The following PLA2G4E variants were observed in gnomAD, a reference collection of about 807,000 sequenced individuals.
PLA2G4E encodes cytosolic phospholipase A2 epsilon.
A neutral mutation model predicts 109.1 loss-of-function variants in PLA2G4E; 84 were observed. The observed-to-expected ratio is 0.77, with a 90% confidence interval of 0.65 to 0.92. PLA2G4E has a LOEUF of 0.92. Among genes scored for constraint, PLA2G4E ranks in the 40% least tolerant of loss-of-function variants. PLA2G4E has a pLI of 0.00. For missense variants in PLA2G4E, 1,057 were observed against 1,076.6 expected, an observed-to-expected ratio of 0.98 and a Z score of 0.25; for synonymous variants, 469 against 436.1, an observed-to-expected ratio of 1.08 and a Z score of -0.94.
intron 1 of PLA2G4E, among the ~76,000 whole-genome samples, chr15:42,031,352 T>A (rs1483808046): frequency 6.6e-6 from 1 of 152,210 alleles, no homozygotes; most frequent in Admixed American, 6.5e-5. Context: ...TAAATATACA[T>A]TTTCATTTCT....
intron 2 of PLA2G4E, chr15:42,010,142 C>CCGCCG: frequency 6.6e-6 from 3 of 454,242 alleles, no homozygotes; most frequent in Non-Finnish European, 4.4e-6. Flanking sequence ...GCCCCCCCAC[C>CCGCCG]CCGGGCCTGG....
At position 42,001,003 on chromosome 15, in the gene PLA2G4E, C is replaced by T. The variant is rs373744866; in HGVS notation, c.673+154G>A. 7.2e-5 allele frequency among the ~76,000 whole-genome samples: 11 copies of T among 152,140 alleles called. No individual in the cohort carries two copies. The East Asian group carries it at 9.6e-4, about 13-fold the overall frequency. The stretch of plus-strand genomic sequence containing the variant: ...AGGATGGGAGGCCAGGGGCTCAGGA[C>T]CCCTGGGGGTGAGATGATTCTGAGG... On this transcript the variant is annotated intron_variant, in intron 7 of 19. Transcript: ENST00000399518.
chr15:42,022,357 C>T (rs917034283), intron 1 of PLA2G4E, among the ~76,000 whole-genome samples: 2 of 152,068 alleles, frequency 1.3e-5, no homozygotes, highest in Admixed American at 6.5e-5. Context: ...TTAATTTTTC[C>T]GCGGGTGGGC....
At chr15:42,040,209 C>T (rs1889292721) in intron 1 of PLA2G4E, among the ~76,000 whole-genome samples, 1 of 151,284 alleles carries the variant, frequency 6.6e-6, no homozygotes, top group Non-Finnish European at 1.5e-5. Context: ...CACACGCACA[C>T]ACACACACCT....
chr15:41,985,890 T>A, exon 18 of PLA2G4E: 1 of 1,611,016 alleles, frequency 6.2e-7, no homozygotes, highest in South Asian at 1.1e-5. Flanking sequence ...GGTCGGCTTT[T>A]CGCTCTGGCC....
intron 6 of PLA2G4E, among the ~76,000 whole-genome samples, chr15:42,001,812 C>T (rs989092846): frequency 2.6e-5 from 4 of 152,208 alleles, no homozygotes; most frequent in African/African-American, 9.6e-5. Flanking sequence ...CCACCTCAGC[C>T]TCCTGAGTAG....
chr15:42,006,966 C>T (rs1277770999), intron 3 of PLA2G4E, among the ~76,000 whole-genome samples: 1 of 152,214 alleles, frequency 6.6e-6, no homozygotes, highest in East Asian at 1.9e-4. Flanking sequence ...CAAAATTCTC[C>T]TCCCTTACCA....
chr15:42,031,963 G>T (rs1407020888), intron 1 of PLA2G4E, among the ~76,000 whole-genome samples: 1 of 152,186 alleles, frequency 6.6e-6, no homozygotes, highest in East Asian at 1.9e-4. Context: ...TCATGGGGAT[G>T]GATTTCTCAT....
At chr15:42,028,403 A>ATTTCTTTC (rs67875687) in intron 1 of PLA2G4E, among the ~76,000 whole-genome samples, 13 of 144,916 alleles carry the variant, frequency 9.0e-5, no homozygotes, top group Non-Finnish European at 1.5e-4. Flanking sequence ...TTATTTATTT[A>ATTTCTTTC]TTTATTTATT....
At chr15:42,048,354 C>T (rs1241102164) in intron 1 of PLA2G4E, among the ~76,000 whole-genome samples, 2 of 152,220 alleles carry the variant, frequency 1.3e-5, no homozygotes, top group Non-Finnish European at 2.9e-5. Flanking sequence ...TTAAGCAACA[C>T]ATGACTGTAG....
exon 13 of PLA2G4E, chr15:41,992,740 G>C: frequency 6.2e-7 from 1 of 1,610,822 alleles, no homozygotes; most frequent in South Asian, 1.1e-5. Context: ...CACCTACCTC[G>C]TCCCCCAGGC....
At chr15:42,031,407 T>G (rs1889112803) in intron 1 of PLA2G4E, among the ~76,000 whole-genome samples, 1 of 152,186 alleles carries the variant, frequency 6.6e-6, no homozygotes. Flanking sequence ...CTGATTGATG[T>G]TTTTACAGAG....
At chr15:41,997,329 T>C in intron 10 of PLA2G4E, 70 bp from the exon 11 acceptor site, 1 of 1,398,210 alleles carries the variant, frequency 7.2e-7, no homozygotes, top group Non-Finnish European at 9.4e-7. Context: ...AGCTTCAGGG[T>C]CCATTGGACC....
chr15:42,020,650 T>G (rs904276834), intron 1 of PLA2G4E, among the ~76,000 whole-genome samples: 1 of 152,194 alleles, frequency 6.6e-6, no homozygotes, highest in African/African-American at 2.4e-5. Context: ...GGTGCTAGCC[T>G]GGCCCCAGGA....
chr15:42,017,955 G>T (rs1443393589), intron 1 of PLA2G4E, among the ~76,000 whole-genome samples: 2 of 152,174 alleles, frequency 1.3e-5, no homozygotes, highest in Non-Finnish European at 1.5e-5. Context: ...GAATTTTCAG[G>T]AGAGACCCAG....
chr15:42,011,413 G>A (rs1423246348), intron 2 of PLA2G4E, among the ~76,000 whole-genome samples: 1 of 152,368 alleles, frequency 6.6e-6, no homozygotes, highest in South Asian at 2.1e-4. Context: ...GAGAGGCTGG[G>A]ACAGACACAC....
intron 10 of PLA2G4E, chr15:41,999,178 G>A (rs2068385834): frequency 5.4e-6 from 1 of 186,310 alleles, no homozygotes; most frequent in Non-Finnish European, 1.1e-5. Context: ...TTCCTCAAAA[G>A]TAAAGTCCTT....
intron 1 of PLA2G4E, among the ~76,000 whole-genome samples, chr15:42,022,434 T>C (rs931210754): frequency 1.3e-5 from 2 of 152,148 alleles, no homozygotes; most frequent in African/African-American, 4.8e-5. Flanking sequence ...ATTATTATCA[T>C]ATTGTCATAT....
rs538485907 is a variant in PLA2G4E, at chr15:42,047,448, G to T, written c.183+3073C>A. On this transcript the variant is annotated intron_variant, in intron 1 of 19. Transcript: ENST00000399518. The stretch of plus-strand genomic sequence containing the variant: ...CTTTTATAACAATCCCACTCTCAGT[G>T]ACTCCCATGAAAACGACATGAATTC... Among the ~76,000 whole-genome samples the T allele has an allele frequency of 1.1e-4, 17 of 152,186 alleles. No individual in the cohort carries two copies. In the South Asian group the frequency reaches 3.5e-3, roughly 32 times the overall value.
Sources: allele counts gnomAD v4.1 joint callset (sites outside exome capture counted in the v4.1 genomes callset), GRCh38; gene constraint gnomAD v4.1.1; transcripts MANE v1.5; gene names NCBI Gene and HGNC (gene_info 2026-07-23, HGNC 2026-07-21).